The following PDE1C variants were observed in gnomAD, a reference collection of about 807,000 sequenced individuals.
The protein encoded by PDE1C is phosphodiesterase 1C.
PDE1C carries 62 observed loss-of-function variants against 93.1 expected under a neutral mutation model. That is an observed-to-expected ratio of 0.67 (90% confidence interval 0.54 to 0.82). The LOEUF is 0.82. Ranked by LOEUF, PDE1C falls within the 40% of genes least tolerant of loss-of-function variation. PDE1C has a pLI of 0.00. For synonymous variants in PDE1C, 325 were observed against 310.1 expected (o/e 1.05, Z -0.50); for missense variants, 742 against 884.6 (o/e 0.84, Z 2.04).
chr7:32,111,422 G>T (rs7802819), intron 3 of PDE1C, among the ~76,000 whole-genome samples: 30,854 of 152,158 alleles, frequency 0.2, 3,784 homozygotes, highest in Middle Eastern at 0.31. Flanking sequence ...TTGGTTATAT[G>T]AAACTTGTCA....
the PDE1C span, among the ~76,000 whole-genome samples, chr7:31,682,603 C>T: frequency 6.6e-6 from 1 of 152,094 alleles, no homozygotes. Flanking sequence ...ACCATATGGG[C>T]CAGCAATTGC....
chr7:32,413,768 T>TA (rs149316296), intron 1 of PDE1C, among the ~76,000 whole-genome samples: 2,051 of 152,186 alleles, frequency 0.013, 50 homozygotes, highest in African/African-American at 0.048. Context: ...TTTTTCAAAT[T>TA]AAAAAAGCTA....
At chr7:32,395,849 C>G (rs191984230) in intron 1 of PDE1C, among the ~76,000 whole-genome samples, 171 of 135,224 alleles carry the variant, frequency 1.3e-3, no homozygotes, top group Non-Finnish European at 2.0e-3. Context: ...CTTTAAAACA[C>G]TCCTGATTGA....
Position 32,164,761 on chromosome 7 carries a change from G to A in PDE1C, c.308+5024C>T, listed in dbSNP as rs184755890. ...CCAGGTCCCTCCCACCTCTGGGAAT[G>A]TGTACACCAGAGGCTGGGGAGACAA... On this transcript the variant is annotated intron_variant, in intron 3 of 18. Coordinates refer to the PDE1C transcript ENST00000396193. Among the ~76,000 whole-genome samples, 7 of 152,308 alleles carry A rather than the reference G, an allele frequency of 4.6e-5. No individual in the cohort carries two copies. In the East Asian group the frequency reaches 9.7e-4, roughly 21 times the overall value.
chr7:32,200,920 A>T (rs1804962690), intron 2 of PDE1C, among the ~76,000 whole-genome samples: 2 of 152,236 alleles, frequency 1.3e-5, no homozygotes, highest in South Asian at 4.1e-4. Context: ...ATGTTTTAAG[A>T]GTCCGAGTTA....
At chr7:32,164,746 C>A (rs756954306) in intron 3 of PDE1C, among the ~76,000 whole-genome samples, 1 of 152,060 alleles carries the variant, frequency 6.6e-6, no homozygotes, top group Non-Finnish European at 1.5e-5. Context: ...CCAGGTCCCT[C>A]CCACCTCTGG....
chr7:32,193,624 TC>T (rs1804387920), intron 2 of PDE1C, among the ~76,000 whole-genome samples: 1 of 152,202 alleles, frequency 6.6e-6, no homozygotes, highest in Non-Finnish European at 1.5e-5. Flanking sequence ...TTTTGTACTG[TC>T]TTTCTCAGTT....
At chr7:32,136,727 G>C (rs1800231760) in intron 3 of PDE1C, among the ~76,000 whole-genome samples, 1 of 152,160 alleles carries the variant, frequency 6.6e-6, no homozygotes, top group African/African-American at 2.4e-5. Flanking sequence ...CTGAAATGTT[G>C]GTGCATGTTG....
At chr7:32,374,299 G>GAAAGAA (rs1784396061) in intron 1 of PDE1C, among the ~76,000 whole-genome samples, 2 of 149,592 alleles carry the variant, frequency 1.3e-5, no homozygotes, top group Admixed American at 1.3e-4. Flanking sequence ...AAGAAAGAAA[G>GAAAGAA]AAAGAAAGAA....
At chr7:31,625,456 G>A in the PDE1C span, among the ~76,000 whole-genome samples, 1 of 152,058 alleles carries the variant, frequency 6.6e-6, no homozygotes, top group African/African-American at 2.4e-5. Context: ...AAAATGATGA[G>A]TTCATGTCCT....
chr7:32,280,684 C>T (rs1430301261), intron 1 of PDE1C, among the ~76,000 whole-genome samples: 2 of 152,098 alleles, frequency 1.3e-5, no homozygotes, highest in East Asian at 3.9e-4. Context: ...TGAAAACTGG[C>T]AAATTAAAAG....
intron 1 of PDE1C, among the ~76,000 whole-genome samples, chr7:32,305,242 A>G (rs1398880107): frequency 6.6e-6 from 1 of 152,142 alleles, no homozygotes; most frequent in Non-Finnish European, 1.5e-5. Flanking sequence ...TGGTCCTCAT[A>G]ATGCATATTG....
chr7:32,207,941 T>C (rs1305787690), intron 2 of PDE1C, among the ~76,000 whole-genome samples: 2 of 152,230 alleles, frequency 1.3e-5, no homozygotes, highest in Non-Finnish European at 2.9e-5. Flanking sequence ...TCACGATTCA[T>C]GCTTATTTAT....
At chr7:32,109,669 G>A (rs1798537180) in intron 3 of PDE1C, among the ~76,000 whole-genome samples, 1 of 152,176 alleles carries the variant, frequency 6.6e-6, no homozygotes, top group South Asian at 2.1e-4. Flanking sequence ...AAGAAGTCTG[G>A]AAGGGCACGC....
chr7:31,898,754 T>C (rs966298420), intron 2 of PDE1C, among the ~76,000 whole-genome samples: 8 of 152,344 alleles, frequency 5.3e-5, no homozygotes, highest in Non-Finnish European at 7.3e-5. Context: ...CAGCAGAACG[T>C]GAGCGTGGCT....
intron 2 of PDE1C, among the ~76,000 whole-genome samples, chr7:32,176,605 A>G (rs1199743376): frequency 2.0e-5 from 3 of 152,240 alleles, no homozygotes; most frequent in Non-Finnish European, 4.4e-5. Context: ...TAACATAATT[A>G]TAATGGAAAA....
intron 3 of PDE1C, among the ~76,000 whole-genome samples, chr7:32,136,213 A>G (rs1030065331): frequency 7.9e-5 from 12 of 152,186 alleles, no homozygotes; most frequent in African/African-American, 2.9e-4. Flanking sequence ...GTGGAGAAGG[A>G]TGTGCTCATT....
the PDE1C span, among the ~76,000 whole-genome samples, chr7:31,702,207 AT>A: frequency 5.6e-4 from 80 of 141,820 alleles, no homozygotes; most frequent in Middle Eastern, 3.5e-3. Context: ...ACCCTTATTT[AT>A]TTTTTTTTTT....
chr7:31,621,290 C>G, the PDE1C span, among the ~76,000 whole-genome samples: 1 of 84,300 alleles, frequency 1.2e-5, no homozygotes, highest in Non-Finnish European at 2.4e-5. Flanking sequence ...AGAGCAACTC[C>G]AAGACACATA....
Sources: allele counts gnomAD v4.1 joint callset (sites outside exome capture counted in the v4.1 genomes callset), GRCh38; gene constraint gnomAD v4.1.1; transcripts MANE v1.5; gene names NCBI Gene and HGNC (gene_info 2026-07-23, HGNC 2026-07-21).